Variants in PDE4D observed in about 807,000 individuals in gnomAD.
The protein encoded by PDE4D is phosphodiesterase 4D, also known as 3',5'-cyclic-AMP phosphodiesterase 4D.
A neutral mutation model predicts 87.4 loss-of-function variants in PDE4D; 24 were observed. The ratio of observed to expected loss-of-function variants is 0.27; its 90% CI spans 0.20 to 0.39. The LOEUF is 0.39. PDE4D is among the 10% of genes least tolerant of loss of function. The probability of loss-of-function intolerance (pLI) is 1.00; values close to 1 mark genes in which losing one functional copy is unlikely to be tolerated. For synonymous variants in PDE4D, 384 were observed against 383.2 expected (o/e 1.00, Z -0.02); for missense variants, 714 against 1,041.0 (o/e 0.69, Z 4.32).
chr5:59,875,485 A>AAAG (rs1748449667), intron 1 of PDE4D, among the ~76,000 whole-genome samples: 1 of 147,040 alleles, frequency 6.8e-6, no homozygotes, highest in Non-Finnish European at 1.5e-5. Flanking sequence ...AAAAAAAAAA[A>AAAG]AAAAAGAAGG....
At chr5:60,360,613 G>A (rs1339483328) in intron 1 of PDE4D, among the ~76,000 whole-genome samples, 2 of 152,214 alleles carry the variant, frequency 1.3e-5, no homozygotes, top group East Asian at 3.9e-4. Flanking sequence ...GCACCAGAGA[G>A]TAGAATATAG....
intron 1 of PDE4D, among the ~76,000 whole-genome samples, chr5:59,486,205 C>T (rs934597959): frequency 3.3e-5 from 5 of 151,990 alleles, no homozygotes; most frequent in African/African-American, 1.2e-4. Context: ...AGATGTGGCA[C>T]CTCTGGGCTT....
chr5:59,409,019 G>A (rs1478145776), intron 1 of PDE4D, among the ~76,000 whole-genome samples: 1 of 151,920 alleles, frequency 6.6e-6, no homozygotes, highest in East Asian at 1.9e-4. Context: ...ATGACAGCGG[G>A]TGCCTGTAAT....
chr5:60,466,191 C>G (rs1463124460), intron 1 of PDE4D, among the ~76,000 whole-genome samples: 1 of 152,116 alleles, frequency 6.6e-6, no homozygotes, highest in Non-Finnish European at 1.5e-5. Context: ...TGTCCACAAT[C>G]TTATTTTAAA....
chr5:59,907,829 A>G (rs931188362), intron 3 of PDE4D, among the ~76,000 whole-genome samples: 1 of 152,090 alleles, frequency 6.6e-6, no homozygotes, highest in Non-Finnish European at 1.5e-5. Context: ...CTCCAAAGCA[A>G]GAGCTATTCT....
At chr5:59,262,160 T>C (rs1023392548) in intron 1 of PDE4D, among the ~76,000 whole-genome samples, 5 of 151,900 alleles carry the variant, frequency 3.3e-5, no homozygotes, top group African/African-American at 1.2e-4. Context: ...CACTAGACCA[T>C]AAATTTTATG....
At chr5:60,147,859 A>G (rs1329227682) in intron 2 of PDE4D, 1 of 450,270 alleles carries the variant, frequency 2.2e-6, no homozygotes, top group East Asian at 7.1e-5. Context: ...GTTGACAGCT[A>G]GCTGCCTCCA....
chr5:60,125,472 G>T (rs1232554847), intron 2 of PDE4D, among the ~76,000 whole-genome samples: 1 of 152,004 alleles, frequency 6.6e-6, no homozygotes, highest in Non-Finnish European at 1.5e-5. Flanking sequence ...GCTACTGACG[G>T]TCTTCTCAGA....
intron 2 of PDE4D, among the ~76,000 whole-genome samples, chr5:60,047,047 C>T (rs1227799462): frequency 8.5e-5 from 13 of 152,192 alleles, no homozygotes; most frequent in African/African-American, 2.2e-4. Flanking sequence ...ATTTCAGAGC[C>T]TGTTATTGGT....
intron 2 of PDE4D, among the ~76,000 whole-genome samples, chr5:60,038,725 C>T (rs6859863): frequency 0.21 from 31,056 of 151,326 alleles, 3,615 homozygotes; most frequent in African/African-American, 0.34. Flanking sequence ...ACAATGAACT[C>T]AAACAAATTT....
intron 1 of PDE4D, among the ~76,000 whole-genome samples, chr5:59,632,159 C>T (rs1831656077): frequency 6.6e-6 from 1 of 152,184 alleles, no homozygotes; most frequent in South Asian, 2.1e-4. Flanking sequence ...CACCGCAGCT[C>T]CACAAAGTTG....
At chr5:60,182,400 C>G (rs1784438370) in intron 2 of PDE4D, among the ~76,000 whole-genome samples, 1 of 152,202 alleles carries the variant, frequency 6.6e-6, no homozygotes, top group South Asian at 2.1e-4. Context: ...CTTATTAAAT[C>G]AATCATCCCT....
intron 1 of PDE4D, among the ~76,000 whole-genome samples, chr5:59,478,488 T>C (rs1803694060): frequency 6.6e-6 from 1 of 152,128 alleles, no homozygotes; most frequent in African/African-American, 2.4e-5. Context: ...CTGTTTATGT[T>C]TGAAAAATGG....
At chr5:60,345,520 T>A (rs1660106327) in intron 1 of PDE4D, among the ~76,000 whole-genome samples, 1 of 149,784 alleles carries the variant, frequency 6.7e-6, no homozygotes, top group South Asian at 2.1e-4. Flanking sequence ...TTGATGAGCA[T>A]CTAAAATGTG....
intron 1 of PDE4D, among the ~76,000 whole-genome samples, chr5:59,538,387 ACACATAATTT>A: frequency 6.6e-6 from 1 of 152,262 alleles, no homozygotes; most frequent in East Asian, 1.9e-4. Flanking sequence ...CCCAAATGGA[ACACATAATTT>A]CACCCTCAAA....
intron 1 of PDE4D, among the ~76,000 whole-genome samples, chr5:59,687,780 G>C (rs920744658): frequency 6.6e-6 from 1 of 152,120 alleles, no homozygotes; most frequent in African/African-American, 2.4e-5. Flanking sequence ...TGGCAAATTG[G>C]ATAAAGAGTC....
chr5:59,575,225 G>T (rs188076490), intron 1 of PDE4D, among the ~76,000 whole-genome samples: 1 of 152,096 alleles, frequency 6.6e-6, no homozygotes, highest in Non-Finnish European at 1.5e-5. Context: ...AGAACGAAGA[G>T]CCACACGTAG....
chr5:59,988,630 G>A (rs531225369), exon 3 of PDE4D: 81 of 1,599,210 alleles, frequency 5.1e-5, no homozygotes, highest in East Asian at 6.7e-5. Context: ...TGAATATTGC[G>A]ACATGAAAGT....
chr5:60,229,203 C>T (rs1745516164), intron 1 of PDE4D, among the ~76,000 whole-genome samples: 1 of 152,060 alleles, frequency 6.6e-6, no homozygotes, highest in South Asian at 2.1e-4. Flanking sequence ...GCTCACCATT[C>T]ATAAAAAATA....
Sources: gnomAD v4.1 joint callset for allele counts (sites outside exome capture counted in the v4.1 genomes callset) on GRCh38, gnomAD v4.1.1 for gene constraint, MANE v1.5 for transcripts, NCBI Gene and HGNC (gene_info 2026-07-23, HGNC 2026-07-21) for gene names.